MORN1: variants seen among roughly 807,000 people sequenced by gnomAD.
The protein encoded by MORN1 is MORN repeat-containing protein 1.
Under a neutral mutation model 61.9 loss-of-function variants are expected in MORN1, and 67 were observed. That is an observed-to-expected ratio of 1.08 (90% confidence interval 0.89 to 1.33). The LOEUF is 1.33. MORN1 is among the 40% of genes most tolerant of loss of function. The pLI, the probability that MORN1 is intolerant of heterozygous loss-of-function variation, is 0.00. For synonymous variants in MORN1, 301 were observed against 292.0 expected, an observed-to-expected ratio of 1.03 and a Z score of -0.31; for missense variants, 752 against 691.2, an observed-to-expected ratio of 1.09 and a Z score of -0.99.
At chr1:2,353,300 G>T (rs910143797) in intron 10 of MORN1, among the ~76,000 whole-genome samples, 3 of 152,384 alleles carry the variant, frequency 2.0e-5, no homozygotes, top group East Asian at 3.9e-4. Flanking sequence ...CCACCCTTTT[G>T]TTTTCTTTCA....
intron 5 of MORN1, chr1:2,385,318 A>G (rs1642469397): frequency 1.8e-6 from 1 of 545,822 alleles, no homozygotes; most frequent in African/African-American, 1.9e-5. Flanking sequence ...CCGCTACTCA[A>G]AATGGGAAAT....
chr1:2,321,581 T>C lies in MORN1; in HGVS notation c.1298-2A>G. ...CGCGGATCATGAGCACGTACTCCCCTGCAAGGGGCGGGTGGGCTGGTCCTC... is the reference window on the plus strand; with the variant it reads ...CGCGGATCATGAGCACGTACTCCCCCGCAAGGGGCGGGTGGGCTGGTCCTC... On this transcript the variant is annotated splice_acceptor_variant, in intron 13 of 13. Transcript: ENST00000378531. LOFTEE classifies it high-confidence loss of function. 6.7e-7 allele frequency: 1 copy of C among 1,486,854 alleles called. No individual in the cohort carries two copies. Among genetic ancestry groups the C allele is most frequent in the Non-Finnish European group, 9.0e-7 (1 of 1,115,044 alleles). The allele number at this position is 1,486,854 out of a possible 1,614,324, so 92.1% of individuals were successfully genotyped here. A position where few individuals can be genotyped will look rare whatever the true frequency, so the allele number is the denominator to read the frequency against.
chr1:2,358,797 C>T lies in MORN1; in HGVS notation c.746-82G>A, dbSNP rs371468066. 1,436 of 1,515,388 alleles carry T rather than the reference C, an allele frequency of 9.5e-4. 25 individuals are homozygous for T. In the South Asian group the frequency reaches 0.015, roughly 16 times the overall value. 93.9% of individuals were successfully genotyped at this position (1,515,388 alleles called of 1,614,324 possible). On this transcript the variant is annotated intron_variant, in intron 8 of 13. Transcript: ENST00000378531. ...GCGGGCCCGGGGCAGGCTTCTGGGACGCTGTGTTTATAACTCAGCGGGGCC... is the reference window on the plus strand; with the variant it reads ...GCGGGCCCGGGGCAGGCTTCTGGGATGCTGTGTTTATAACTCAGCGGGGCC...
intron 6 of MORN1, chr1:2,378,532 G>A (rs1384005099): frequency 5.4e-6 from 1 of 185,068 alleles, no homozygotes; most frequent in Admixed American, 5.4e-5. Context: ...CGCCCAGAAG[G>A]AGCCACCTGC....
intron 12 of MORN1, among the ~76,000 whole-genome samples, chr1:2,327,241 CACAGAAACACACAGAAACACAGAAACAA>C (rs1379367682): frequency 3.3e-5 from 5 of 150,864 alleles, no homozygotes; most frequent in Admixed American, 3.3e-4. Flanking sequence ...CACAGAAACA[CACAGAAACACACAGAAACACAGAAACAA>C]ACACAGAGAC....
chr1:2,363,814 A>C (rs1458753540), intron 8 of MORN1, among the ~76,000 whole-genome samples: 1 of 125,234 alleles, frequency 8.0e-6, no homozygotes, highest in South Asian at 2.5e-4. Context: ...ACAAAAAAAT[A>C]TATATATATA....
At chr1:2,340,727 A>ACCACACAGGACACCAGACTG (rs924241144) in intron 10 of MORN1, among the ~76,000 whole-genome samples, 1 of 151,984 alleles carries the variant, frequency 6.6e-6, no homozygotes, top group Non-Finnish European at 1.5e-5. Flanking sequence ...ACGACGGGCC[A>ACCACACAGGACACCAGACTG]CCACACAGGA....
chr1:2,359,328 C>G (rs1161982731), intron 8 of MORN1, among the ~76,000 whole-genome samples: 1 of 152,226 alleles, frequency 6.6e-6, no homozygotes, highest in East Asian at 1.9e-4. Flanking sequence ...GCTGAGTCAG[C>G]TGCTCCATCC....
At chr1:2,324,032 G>A in intron 13 of MORN1, 65 bp downstream of exon 13, 6 of 1,528,912 alleles carry the variant, frequency 3.9e-6, no homozygotes, top group Non-Finnish European at 5.3e-6. Flanking sequence ...TCCAGCCCTG[G>A]GCTGCGGCCT....
intron 10 of MORN1, chr1:2,352,404 C>G (rs538454352): frequency 2.0e-5 from 3 of 153,452 alleles, no homozygotes; most frequent in African/African-American, 7.2e-5. Flanking sequence ...CTTATGGGAG[C>G]GAGAAGTCAC....
At chr1:2,391,400 G>T in intron 1 of MORN1, 58 bp downstream of exon 1, 1 of 1,249,526 alleles carries the variant, frequency 8.0e-7, no homozygotes, top group Non-Finnish European at 1.0e-6. Flanking sequence ...TAGAGCGATC[G>T]CACCCTGAAT....
At chr1:2,354,480 T>C (rs1242062463) in intron 10 of MORN1, among the ~76,000 whole-genome samples, 7 of 152,034 alleles carry the variant, frequency 4.6e-5, no homozygotes, top group Admixed American at 4.6e-4. Flanking sequence ...GGTGGGAGGA[T>C]CACCTGAGCC....
At chr1:2,352,664 C>T (rs1054826735) in intron 10 of MORN1, 2 of 152,360 alleles carry the variant, frequency 1.3e-5, no homozygotes, top group Non-Finnish European at 2.9e-5. Flanking sequence ...AGGGAGAGGG[C>T]TGCCCAGACC....
At chr1:2,386,054 A>G (rs1642490972) in intron 4 of MORN1, 157 bp from the exon 5 acceptor site, 1 of 638,272 alleles carries the variant, frequency 1.6e-6, no homozygotes, top group South Asian at 1.8e-5. Context: ...GACCCTCCAG[A>G]CCTGGCTACA....
At chr1:2,388,107 G>T (rs1049426674) in intron 3 of MORN1, 132 bp downstream of exon 3, 3 of 687,800 alleles carry the variant, frequency 4.4e-6, no homozygotes, top group African/African-American at 3.6e-5. Context: ...AGGGCTTCTC[G>T]GTAGGCCAGG....
At chr1:2,385,986 A>G in intron 4 of MORN1, 89 bp from the exon 5 acceptor site, 1 of 1,161,788 alleles carries the variant, frequency 8.6e-7, no homozygotes, top group Non-Finnish European at 1.3e-6. Context: ...GAGGGCGGGC[A>G]GGAGCAAAGT....
rs918660387 is a variant in MORN1 at position 2,344,367 on chromosome 1, C to T, written c.1037-7517G>A. Among the ~76,000 whole-genome samples, 16 of 152,206 alleles carry T rather than the reference C, an allele frequency of 1.1e-4. No homozygotes were observed. The East Asian group carries it at 1.7e-3, about 16-fold the overall frequency. ...GAGCACACTCGACAAGGTGGTGCGG[C>T]GAGCTGGCTCCGAGCGTCCCCCACA... On this transcript the variant is annotated intron_variant, in intron 10 of 13. Transcript: ENST00000378531.
chr1:2,322,276 T>C (rs1286146937), intron 13 of MORN1: 5 of 985,330 alleles, frequency 5.1e-6, no homozygotes, highest in African/African-American at 1.7e-5. Context: ...TCCCCTCCCC[T>C]GAGCCTGCCG....
chr1:2,342,840 A>ATATTTTATTTTATTTTATTT (rs768672830), intron 10 of MORN1, among the ~76,000 whole-genome samples: 1,573 of 101,854 alleles, frequency 0.015, 38 homozygotes, highest in Non-Finnish European at 0.02. Flanking sequence ...ATTTTATTTT[A>ATATTTTATTTTATTTTATTT]TATTTTATTT....
Sources: gnomAD v4.1 joint callset for allele counts (sites outside exome capture counted in the v4.1 genomes callset) on GRCh38, gnomAD v4.1.1 for gene constraint, MANE v1.5 for transcripts, NCBI Gene and HGNC (gene_info 2026-07-23, HGNC 2026-07-21) for gene names.